Variants in BBS5 observed in about 807,000 individuals in gnomAD.
The protein encoded by BBS5 is Bardet-Biedl syndrome 5, also known as BBSome complex member BBS5.
A neutral mutation model predicts 50.2 loss-of-function variants in BBS5; 39 were observed. The ratio of observed to expected loss-of-function variants is 0.78; its 90% confidence interval spans 0.60 to 1.01. The LOEUF (loss-of-function observed/expected upper bound fraction) is 1.01. Among genes scored for constraint, BBS5 ranks in the 50% least tolerant of loss-of-function variants. The pLI is 0.00. For synonymous variants in BBS5, 134 were observed against 133.1 expected (o/e 1.01, Z -0.05); for missense variants, 356 against 401.5 (o/e 0.89, Z 0.97).
At chr2:169,488,220 A>G in intron 5 of BBS5, 106 bp downstream of exon 5, 1 of 1,132,206 alleles carries the variant, frequency 8.8e-7, no homozygotes, top group Non-Finnish European at 1.3e-6. Context: ...TTCATGGAAG[A>G]CAGTTTTTCC....
At chr2:169,491,759 G>T in intron 5 of BBS5, among the ~76,000 whole-genome samples, 1 of 151,956 alleles carries the variant, frequency 6.6e-6, no homozygotes, top group East Asian at 1.9e-4. Flanking sequence ...TCTGTATAGA[G>T]GTAGACATGA....
intron 9 of BBS5, 117 bp from the exon 10 acceptor site, chr2:169,502,978 A>G (rs751526536): frequency 9.5e-5 from 75 of 791,892 alleles, no homozygotes; most frequent in Non-Finnish European, 1.5e-4. Context: ...ATAACAAATT[A>G]TACCGTGATT....
chr2:169,494,760 G>A (rs557626865), intron 7 of BBS5, among the ~76,000 whole-genome samples: 2 of 151,974 alleles, frequency 1.3e-5, no homozygotes, highest in Non-Finnish European at 2.9e-5. Flanking sequence ...CAAATTAGAT[G>A]GAACATAAAA....
intron 7 of BBS5, 87 bp downstream of exon 7, chr2:169,493,923 T>C (rs2105298311): frequency 1.2e-6 from 1 of 846,638 alleles, no homozygotes; most frequent in South Asian, 1.6e-5. Flanking sequence ...GATGAGTTCT[T>C]TCTCCCTTTT....
intron 2 of BBS5, among the ~76,000 whole-genome samples, chr2:169,485,098 G>T (rs756471150): frequency 6.6e-6 from 1 of 152,120 alleles, no homozygotes; most frequent in Non-Finnish European, 1.5e-5. Context: ...TTTCTCCTGG[G>T]ACCGACAGAA....
At chr2:169,488,658 A>G (rs1030196600) in intron 5 of BBS5, among the ~76,000 whole-genome samples, 12 of 152,368 alleles carry the variant, frequency 7.9e-5, no homozygotes, top group Admixed American at 7.2e-4. Flanking sequence ...AATAAAGCTT[A>G]GAAGTGTGGT....
intron 1 of BBS5, among the ~76,000 whole-genome samples, chr2:169,480,670 C>CTTTTTTTTTTTTTTTT (rs577688589): frequency 1.4e-5 from 1 of 73,202 alleles, no homozygotes; most frequent in African/African-American, 5.3e-5. Context: ...TTCTGTCATT[C>CTTTTTTTTTTTTTTTT]TTTTTTTTTT....
intron 1 of BBS5, among the ~76,000 whole-genome samples, chr2:169,479,891 G>A (rs1260986616): frequency 3.9e-5 from 6 of 152,262 alleles, no homozygotes; most frequent in Admixed American, 2.0e-4. Context: ...GATCAGGAAT[G>A]TGAACCTGAG....
chr2:169,493,829 T>C lies in BBS5; in HGVS notation c.611T>C (p.Leu204Pro), dbSNP rs1683646369. The C allele has an allele frequency of 6.3e-7, 1 of 1,589,054 alleles. No homozygotes were observed. The highest frequency in any genetic ancestry group is 1.3e-5 in the African/African-American group (1 of 74,368). The change falls in exon 7 of 12, where the codon CTG becomes CCG. Residue 204 changes from leucine to proline, a missense_variant. Leu to Pro is a moderately conservative substitution (Grantham distance 98). Transcript: ENST00000295240. ...NDSFNVSIPYLQIRSIKIRDS... is the reference protein window; with the variant it reads ...NDSFNVSIPYPQIRSIKIRDS... ...AGTTTTAATGTCAGTATACCATATC[T>C]GCAAATTGTAAGTACATACATTTTG... is the stretch of plus-strand genomic sequence containing the variant.
Position 169,505,018 on chromosome 2 carries a change from G to A in BBS5, c.*436G>A. 2 of 1,594,312 alleles carry A rather than the reference G, an allele frequency of 1.3e-6. No individual in the cohort carries two copies. The highest frequency in any genetic ancestry group is 8.6e-7 in the Non-Finnish European group (1 of 1,166,948). On this transcript the variant is annotated 3_prime_UTR_variant, in exon 12 of 12. Coordinates refer to ENST00000295240, the MANE Select transcript of BBS5 (RefSeq NM_152384.3). ...TTCCCAAAATGGCCGAAGCTGGACT[G>A]TACTGCTGCCATCTCTGGCTCACTG...
At position 169,487,123 on chromosome 2, in the gene BBS5, G is replaced by T; in HGVS notation, c.197G>T (p.Arg66Ile). 6.2e-7 allele frequency: 1 copy of T among 1,609,856 alleles called. No individual in the cohort carries two copies. Residue 66 changes from arginine to isoleucine, a missense_variant, in exon 3 of 12, where the codon AGA (arginine) becomes ATA (isoleucine). Arg to Ile is a moderately conservative substitution (Grantham distance 97). Transcript: ENST00000295240. ...CTCTGGCACTCTTTGGCATTATCAA[G>T]AGTCAATGTTTGTAAGTATCTTTGT... is the stretch of plus-strand genomic sequence containing the variant. Reference protein sequence around the residue: ...RILWHSLALSRVNVSVGYNCI... With the variant: ...RILWHSLALSIVNVSVGYNCI...
At chr2:169,503,515 G>A (rs868576699) in intron 10 of BBS5, among the ~76,000 whole-genome samples, 59 of 152,062 alleles carry the variant, frequency 3.9e-4, no homozygotes, top group Non-Finnish European at 7.2e-4. Flanking sequence ...AGAAAAAAAA[G>A]GAAAGAAATG....
At position 169,503,122 on chromosome 2, in the gene BBS5, G is replaced by A. The variant is rs759233586; in HGVS notation, c.844G>A (p.Glu282Lys). Reference sequence around the variant, plus strand: ...CCAGCCGCTCGAAGCTCTGACAGTCGAACAAATTCAAGATGATGTAGAAAT... The same window carrying A: ...CCAGCCGCTCGAAGCTCTGACAGTCAAACAAATTCAAGATGATGTAGAAAT... ...KPQPLEALTV[E>K]QIQDDVEIDS... is the part of the protein sequence containing the mutation. Residue 282 changes from glutamate (E) to lysine (K), a missense_variant, in exon 10 of 12, where the codon GAA becomes AAA. Physicochemically the swap from Glu to Lys is moderately conservative, Grantham distance 56. Transcript: ENST00000295240. The A allele has an allele frequency of 4.1e-5, 66 of 1,613,748 alleles. No individual in the cohort carries two copies. In the Admixed American group the frequency reaches 5.2e-4, roughly 13 times the overall value.
chr2:169,497,754 G>A (rs1043176883), intron 8 of BBS5, 65 bp downstream of exon 8: 14 of 1,121,138 alleles, frequency 1.2e-5, no homozygotes, highest in Non-Finnish European at 1.7e-5. Context: ...TAGATTTTTG[G>A]TTTTATTTAT....
Position 169,504,800 on chromosome 2 carries a change from C to A in BBS5, c.*218C>A, listed in dbSNP as rs997562694. 1.1e-5 allele frequency: 17 copies of A among 1,545,242 alleles called. 1 individual carries two copies. The Admixed American group carries it at 2.5e-4, about 22-fold the overall frequency. On this transcript the variant is annotated 3_prime_UTR_variant, in exon 12 of 12. Transcript: ENST00000295240. ...CAGCGACACATGGCCTAGTAACCGT[C>A]CGGCCGCGGCGCTGGCTTAAGCCAT...
At chr2:169,496,558 A>G (rs1185144379) in intron 7 of BBS5, among the ~76,000 whole-genome samples, 2 of 152,056 alleles carry the variant, frequency 1.3e-5, no homozygotes, top group African/African-American at 2.4e-5. Context: ...ACACAGTGAA[A>G]CCCAGTATCT....
At chr2:169,490,669 A>G (rs1683580904) in intron 5 of BBS5, among the ~76,000 whole-genome samples, 1 of 152,216 alleles carries the variant, frequency 6.6e-6, no homozygotes, top group African/African-American at 2.4e-5. Context: ...ATAAAATTTT[A>G]CATAACAAAA....
intron 5 of BBS5, among the ~76,000 whole-genome samples, chr2:169,491,001 T>A (rs929367374): frequency 6.6e-6 from 1 of 152,238 alleles, no homozygotes; most frequent in Non-Finnish European, 1.5e-5. Flanking sequence ...TAGTAGTTCA[T>A]TCCTTTTTGT....
intron 8 of BBS5, among the ~76,000 whole-genome samples, chr2:169,497,943 C>T (rs1268684682): frequency 1.3e-5 from 2 of 152,100 alleles, no homozygotes; most frequent in Non-Finnish European, 2.9e-5. Flanking sequence ...AGTCATTGTG[C>T]CGAGGGCTTT....
Sources: allele counts gnomAD v4.1 joint callset (sites outside exome capture counted in the v4.1 genomes callset), GRCh38; gene constraint gnomAD v4.1.1; transcripts MANE v1.5; gene names NCBI Gene and HGNC (gene_info 2026-07-23, HGNC 2026-07-21).